COX7B2: variants seen among roughly 807,000 people sequenced by gnomAD.
COX7B2 encodes cytochrome c oxidase subunit 7B2, mitochondrial.
For synonymous variants in COX7B2, 37 were observed against 32.1 expected (o/e 1.15, Z -0.51); for missense variants, 109 against 95.9 (o/e 1.14, Z -0.57).
chr4:46,894,062 C>A (rs1328229536), intron 1 of COX7B2, among the ~76,000 whole-genome samples: 1 of 151,986 alleles, frequency 6.6e-6, no homozygotes, highest in Non-Finnish European at 1.5e-5. Flanking sequence ...TATGAAGAAC[C>A]CATATCATTA....
chr4:46,886,940 T>C (rs1398781116), intron 1 of COX7B2, among the ~76,000 whole-genome samples: 1 of 152,180 alleles, frequency 6.6e-6, no homozygotes, highest in East Asian at 1.9e-4. Flanking sequence ...TGTTAATTGG[T>C]GTGGAAAAAA....
At chr4:46,804,290 A>G (rs946993330) in intron 2 of COX7B2, among the ~76,000 whole-genome samples, 1 of 152,146 alleles carries the variant, frequency 6.6e-6, no homozygotes, top group Non-Finnish European at 1.5e-5. Flanking sequence ...GAAAGAACGA[A>G]GCTTCCACGG....
chr4:46,880,465 T>TC (rs1315642106), intron 1 of COX7B2, among the ~76,000 whole-genome samples: 1 of 146,574 alleles, frequency 6.8e-6, no homozygotes, highest in Non-Finnish European at 1.5e-5. Context: ...TTACTCAATT[T>TC]CAGAGCTCAT....
chr4:46,892,193 C>T (rs766012144), intron 1 of COX7B2, among the ~76,000 whole-genome samples: 1 of 152,056 alleles, frequency 6.6e-6, no homozygotes, highest in Non-Finnish European at 1.5e-5. Context: ...CTACCGGGGC[C>T]ACTGGTACCA....
At chr4:46,834,563 G>A (rs1715385034) in intron 2 of COX7B2, among the ~76,000 whole-genome samples, 1 of 152,024 alleles carries the variant, frequency 6.6e-6, no homozygotes, top group African/African-American at 2.4e-5. Context: ...TTACCATTCA[G>A]AAAACAAATA....
At chr4:46,848,799 A>C (rs1401956700) in intron 1 of COX7B2, among the ~76,000 whole-genome samples, 1 of 152,030 alleles carries the variant, frequency 6.6e-6, no homozygotes, top group East Asian at 1.9e-4. Context: ...ATATATTTAT[A>C]TATGCTCAAT....
chr4:46,826,882 G>A (rs879417685), intron 2 of COX7B2, among the ~76,000 whole-genome samples: 1 of 152,050 alleles, frequency 6.6e-6, no homozygotes, highest in African/African-American at 2.4e-5. Context: ...ATGGAGGAGG[G>A]AGAGGAGCAG....
At chr4:46,814,619 T>A (rs1176401118) in intron 2 of COX7B2, among the ~76,000 whole-genome samples, 1 of 152,212 alleles carries the variant, frequency 6.6e-6, no homozygotes, top group Non-Finnish European at 1.5e-5. Context: ...AAGAGTTATA[T>A]ACCTCATACT....
At chr4:46,879,723 C>CA (rs200373474) in intron 1 of COX7B2, among the ~76,000 whole-genome samples, 19,662 of 139,022 alleles carry the variant, frequency 0.14, 1,728 homozygotes, top group East Asian at 0.31. Context: ...ACGAAGACCT[C>CA]AAAAAAAAAA....
intron 2 of COX7B2, among the ~76,000 whole-genome samples, chr4:46,801,882 G>T (rs1408076295): frequency 6.6e-6 from 1 of 152,008 alleles, no homozygotes; most frequent in Non-Finnish European, 1.5e-5. Context: ...AATTAAAATG[G>T]TAATAGTGGG....
At chr4:46,896,644 A>AG (rs1413830415) in intron 1 of COX7B2, among the ~76,000 whole-genome samples, 1 of 141,238 alleles carries the variant, frequency 7.1e-6, no homozygotes, top group Non-Finnish European at 1.6e-5. Flanking sequence ...TTAACAAAAA[A>AG]GAAAAAAAAA....
At chr4:46,763,301 A>G (rs908062075) in intron 2 of COX7B2, among the ~76,000 whole-genome samples, 5 of 147,800 alleles carry the variant, frequency 3.4e-5, no homozygotes, top group African/African-American at 1.0e-4. Flanking sequence ...TAAAGCATAT[A>G]ATTTCATGTT....
intron 2 of COX7B2, among the ~76,000 whole-genome samples, chr4:46,736,980 G>A (rs115022156): frequency 0.012 from 1,809 of 152,232 alleles, 22 homozygotes; most frequent in Middle Eastern, 0.044. Context: ...ATCAAGGAGC[G>A]TGATTGCTGA....
chr4:46,800,665 G>A (rs1340753293), intron 2 of COX7B2, among the ~76,000 whole-genome samples: 4 of 152,006 alleles, frequency 2.6e-5, no homozygotes, highest in African/African-American at 2.4e-5. Flanking sequence ...AAGAAAACCT[G>A]AGAAATATCA....
At chr4:46,860,800 G>A (rs1717291169) in intron 1 of COX7B2, among the ~76,000 whole-genome samples, 1 of 152,128 alleles carries the variant, frequency 6.6e-6, no homozygotes. Context: ...TTGAGCAATT[G>A]TGTAAGGCAG....
intron 1 of COX7B2, among the ~76,000 whole-genome samples, chr4:46,892,891 T>A (rs1029198104): frequency 1.2e-4 from 18 of 152,178 alleles, no homozygotes; most frequent in Non-Finnish European, 2.4e-4. Flanking sequence ...TCCCCCATGC[T>A]ATTCTCATGA....
rs761904309 is a variant in COX7B2, at chr4:46,905,814, C to CTTTTTTTTTTTTTTTT, written c.-105+3330_-105+3345dup. Among the ~76,000 whole-genome samples, 12 of 71,690 alleles carry CTTTTTTTTTTTTTTTT rather than the reference C, an allele frequency of 1.7e-4. 1 individual carries two copies. Among genetic ancestry groups the CTTTTTTTTTTTTTTTT allele is most frequent in the Non-Finnish European group, 2.5e-4 (10 of 39,994 alleles). The allele number at this position is 71,690 out of a possible 152,430, so 47.0% of individuals were successfully genotyped here. On this transcript the variant is annotated intron_variant, in intron 1 of 2. Transcript: ENST00000355591. Reference sequence around the variant, plus strand: ...TACCATCTCTGATAAGCATATATTTCTTTTTTTTTTTTTTTTTTTTTTTTT... The same window carrying CTTTTTTTTTTTTTTTT: ...TACCATCTCTGATAAGCATATATTTCTTTTTTTTTTTTTTTTTTTTTTTTTTTTTTTTTTTTTTTTT...
intron 2 of COX7B2, among the ~76,000 whole-genome samples, chr4:46,741,404 A>C (rs1714699599): frequency 6.6e-6 from 1 of 152,054 alleles, no homozygotes; most frequent in Non-Finnish European, 1.5e-5. Context: ...AGTATCCCCC[A>C]GTTTTGACAC....
At chr4:46,771,858 C>A (rs1358371839) in intron 2 of COX7B2, among the ~76,000 whole-genome samples, 1 of 152,060 alleles carries the variant, frequency 6.6e-6, no homozygotes, top group Non-Finnish European at 1.5e-5. Context: ...GTTGAACATT[C>A]CAAATCTGAA....
Sources: gnomAD v4.1 joint callset for allele counts (sites outside exome capture counted in the v4.1 genomes callset) on GRCh38, gnomAD v4.1.1 for gene constraint, MANE v1.5 for transcripts, NCBI Gene and HGNC (gene_info 2026-07-23, HGNC 2026-07-21) for gene names.